DOCK8: variants seen among roughly 807,000 people sequenced by gnomAD.
The protein encoded by DOCK8 is dedicator of cytokinesis 8.
DOCK8 carries 141 observed loss-of-function variants against 245.6 expected under a neutral mutation model. The ratio of observed to expected loss-of-function variants is 0.57; its 90% CI spans 0.50 to 0.66. DOCK8 has a LOEUF of 0.66. Ranked by LOEUF, DOCK8 falls within the 30% of genes least tolerant of loss-of-function variation. DOCK8 has a pLI of 0.00. For missense variants in DOCK8, 2,965 were observed against 2,603.4 expected (o/e 1.14, Z -3.02); for synonymous variants, 1,168 against 970.2 (o/e 1.20, Z -3.79).
Position 404,947 on chromosome 9 carries a change from G to C in DOCK8, c.3264G>C (p.Thr1088=), listed in dbSNP as rs749288959. ...QLSAKLSNLP[T]LISMRLEFLR... is the part of the protein sequence containing the mutation. ...CAGCCAAGCTCAGTAACCTTCCAAC[G>C]CTCATTTCCATGAGGCTAGAGTTCC... The change falls in exon 27 of 48, where the codon ACG becomes ACC. Residue 1088 remains threonine (T), a synonymous_variant. Coordinates refer to ENST00000432829, the MANE Select transcript of DOCK8 (RefSeq NM_203447.4). 3 of 1,613,912 alleles carry C rather than the reference G, an allele frequency of 1.9e-6. No individual in the cohort carries two copies. In the Admixed American group the frequency reaches 5.0e-5, roughly 27 times the overall value.
At chr9:429,929 A>T in intron 36 of DOCK8, 75 bp downstream of exon 36, 1 of 1,569,250 alleles carries the variant, frequency 6.4e-7, no homozygotes, top group Non-Finnish European at 8.7e-7. Flanking sequence ...TGCGAAAAAA[A>T]ATAAGGAAAT....
At chr9:352,536 G>A (rs1029035171) in intron 14 of DOCK8, among the ~76,000 whole-genome samples, 7 of 152,042 alleles carry the variant, frequency 4.6e-5, no homozygotes, top group African/African-American at 1.7e-4. Flanking sequence ...AAGGTCAGGA[G>A]TTTGAAACCA....
chr9:273,129 A>G (rs938437478), intron 2 of DOCK8: 11 of 949,432 alleles, frequency 1.2e-5, no homozygotes, highest in Non-Finnish European at 1.3e-5. Context: ...ATTTCTGGTT[A>G]TTTCAGAAGG....
chr9:446,689 G>A (rs1587080429), intron 44 of DOCK8, 83 bp downstream of exon 44: 2 of 1,211,228 alleles, frequency 1.7e-6, no homozygotes, highest in Non-Finnish European at 1.2e-6. Context: ...CTTTCACAGT[G>A]GATTGGACTG....
intron 26 of DOCK8, among the ~76,000 whole-genome samples, chr9:401,010 CCACCATG>C (rs2055058347): frequency 6.1e-5 from 5 of 82,168 alleles, no homozygotes; most frequent in East Asian, 5.0e-4. Flanking sequence ...ACCATTAGCT[CCACCATG>C]ACCACCTCCT....
rs915839124 is a variant in DOCK8 at position 431,019 on chromosome 9, C to T, written c.4627-1147C>T. Among the ~76,000 whole-genome samples, 39 of 147,714 alleles carry T rather than the reference C, an allele frequency of 2.6e-4. 1 individual carries two copies. The highest frequency in any genetic ancestry group is 5.0e-4 in the Non-Finnish European group (33 of 66,578). ...CATGTAGTAACTGGGATTACAGGCA[C>T]GAGCCACCTTACCCAGCTAATTTTT... On this transcript the variant is annotated intron_variant, in intron 36 of 47. Transcript: ENST00000432829.
In DOCK8 at chr9:372,286, G is replaced by T. The variant is rs775412561; in HGVS notation, c.2109G>T (p.Glu703Asp). The T allele has an allele frequency of 6.2e-7, 1 of 1,612,718 alleles. No individual in the cohort carries two copies. Among genetic ancestry groups the T allele is most frequent in the South Asian group, 1.1e-5 (1 of 91,056 alleles). ...CCAACTACTCCATGCATTCTGCTGA[G>T]GTAATTGGCAAGCTGGCCATCAGCT... ...LPPNYSMHSA[E>D]KVPLQNPPIK... Residue 703 changes from glutamate (E) to aspartate (D), a missense_variant and splice_region_variant, in exon 18 of 48, where the codon GAG becomes GAT. By Grantham distance (45) the Glu-to-Asp change is conservative. Transcript: ENST00000432829.
At chr9:400,070 T>TCACCATCACCACCACCTC (rs2054726500) in intron 26 of DOCK8, among the ~76,000 whole-genome samples, 1 of 32,006 alleles carries the variant, frequency 3.1e-5, no homozygotes, top group African/African-American at 2.0e-4. Context: ...TCCTTCACCA[T>TCACCATCACCACCACCTC]CACCATCACC....
chr9:352,458 A>G (rs2052215402), intron 14 of DOCK8, among the ~76,000 whole-genome samples: 1 of 152,160 alleles, frequency 6.6e-6, no homozygotes, highest in Non-Finnish European at 1.5e-5. Flanking sequence ...AAGTGGTGAC[A>G]CTTGGCCAGG....
At chr9:293,442 G>A (rs1405184063) in intron 4 of DOCK8, among the ~76,000 whole-genome samples, 1 of 152,232 alleles carries the variant, frequency 6.6e-6, no homozygotes, top group Non-Finnish European at 1.5e-5. Flanking sequence ...TAGAATGATG[G>A]TAGAAGGAGA....
At chr9:265,421 T>C (rs184860767) in intron 1 of DOCK8, among the ~76,000 whole-genome samples, 1 of 152,204 alleles carries the variant, frequency 6.6e-6, no homozygotes. Context: ...CACCCACAAA[T>C]GTCTGTCATT....
At chr9:334,425 G>C (rs759158198) in intron 11 of DOCK8, 41 bp downstream of exon 11, 2 of 1,604,162 alleles carry the variant, frequency 1.2e-6, no homozygotes, top group Non-Finnish European at 1.7e-6. Flanking sequence ...GGGCTCCCCA[G>C]TGTGCGCTGC....
At chr9:368,346 G>T (rs2053112984) in intron 15 of DOCK8, 1 of 721,924 alleles carries the variant, frequency 1.4e-6, no homozygotes, top group African/African-American at 1.7e-5. Context: ...TCTGTAGTGA[G>T]CTTGGAACAT....
intron 37 of DOCK8, among the ~76,000 whole-genome samples, chr9:433,500 A>T (rs980683329): frequency 1.3e-5 from 2 of 152,246 alleles, no homozygotes; most frequent in Non-Finnish European, 1.5e-5. Flanking sequence ...ATGGAACTCA[A>T]GCTGAGGTCC....
At chr9:215,484 A>G (rs1347473101) in intron 1 of DOCK8, 6 of 1,470,454 alleles carry the variant, frequency 4.1e-6, no homozygotes, top group South Asian at 1.4e-5. Context: ...GCAGGCTGCA[A>G]GCCTTCTGTC....
intron 14 of DOCK8, among the ~76,000 whole-genome samples, chr9:345,684 C>T (rs951326034): frequency 6.6e-6 from 1 of 152,156 alleles, no homozygotes; most frequent in Non-Finnish European, 1.5e-5. Context: ...GCCTCACCTT[C>T]CTCCCACCTC....
intron 4 of DOCK8, among the ~76,000 whole-genome samples, chr9:303,149 G>A (rs1419602623): frequency 6.6e-6 from 1 of 151,232 alleles, no homozygotes; most frequent in Non-Finnish European, 1.5e-5. Flanking sequence ...AGCAGAACGA[G>A]ACCCTGTCTC....
At chr9:380,154 C>T in intron 21 of DOCK8, 3 of 50,650 alleles carry the variant, frequency 5.9e-5, no homozygotes, top group Non-Finnish European at 7.7e-5. Context: ...TCGCTTGGAG[C>T]AGTGGCTCAC....
intron 4 of DOCK8, among the ~76,000 whole-genome samples, chr9:292,387 CAAAAAAA>C (rs5895837): frequency 4.8e-5 from 3 of 63,068 alleles, no homozygotes; most frequent in South Asian, 9.6e-4. Context: ...AACTCCGTCT[CAAAAAAA>C]AAAAAAAAAA....
Sources: gnomAD v4.1 joint callset for allele counts (sites outside exome capture counted in the v4.1 genomes callset) on GRCh38, gnomAD v4.1.1 for gene constraint, MANE v1.5 for transcripts, NCBI Gene and HGNC (gene_info 2026-07-23, HGNC 2026-07-21) for gene names.